UGT1A10: variants seen among roughly 807,000 people sequenced by gnomAD.
UGT1A10 encodes UDP-glucuronosyltransferase 1A10.
In UGT1A10, 49 loss-of-function variants were observed where a neutral mutation model predicts 45.8. The observed-to-expected ratio is 1.07, with a 90% CI of 0.85 to 1.36. UGT1A10 has a LOEUF of 1.36. Ranked by LOEUF, UGT1A10 falls within the 40% of genes most tolerant of loss-of-function variation. The pLI is 0.00. For synonymous variants in UGT1A10, 284 were observed against 249.7 expected (o/e 1.14, Z -1.29); for missense variants, 745 against 668.6 (o/e 1.11, Z -1.26).
chr2:233,713,431 A>G lies in UGT1A10; in HGVS notation c.856-53603A>G, dbSNP rs1575502820. The G allele has an allele frequency of 2.5e-6, 4 of 1,614,124 alleles. 1 individual carries two copies. Among genetic ancestry groups the G allele is most frequent in the Middle Eastern group, 3.3e-4 (2 of 6,062 alleles). ...AGGCACCTGCATGCTACTTCCTTTG[A>G]TGTGGTTCTAACAGACCCCTTTCAC... On this transcript the variant is annotated intron_variant, in intron 1 of 4. Transcript: ENST00000344644.
At position 233,718,196 on chromosome 2, in the gene UGT1A10, G is replaced by A. The variant is rs1258462384; in HGVS notation, c.856-48838G>A. On this transcript the variant is annotated intron_variant, in intron 1 of 4. Transcript: ENST00000344644. ...ACATCTTGAGCTCAGCCTCCCCGGA[G>A]CTTTTTTTTATATTGACAGCCACTT... 4.6e-5 allele frequency among the ~76,000 whole-genome samples: 7 copies of A among 152,156 alleles called. No individual in the cohort carries two copies. In the South Asian group the frequency reaches 1.5e-3, roughly 32 times the overall value.
intron 1 of UGT1A10, among the ~76,000 whole-genome samples, chr2:233,703,389 A>T (rs77142050): frequency 0.032 from 4,829 of 151,980 alleles, 259 homozygotes; most frequent in African/African-American, 0.11. Flanking sequence ...TATATTTTCA[A>T]ATAAACAATT....
At chr2:233,749,493 CT>C (rs951030576) in intron 1 of UGT1A10, among the ~76,000 whole-genome samples, 1 of 151,760 alleles carries the variant, frequency 6.6e-6, no homozygotes, top group Non-Finnish European at 1.5e-5. Context: ...TGCTATGCCC[CT>C]TAGAGAATTA....
At chr2:233,646,897 C>A (rs749320705) in intron 1 of UGT1A10, among the ~76,000 whole-genome samples, 6 of 152,124 alleles carry the variant, frequency 3.9e-5, no homozygotes, top group East Asian at 1.9e-4. Flanking sequence ...CTACTGGTAC[C>A]AATTGACTGT....
chr2:233,754,892 C>A, intron 1 of UGT1A10: 1 of 1,351,640 alleles, frequency 7.4e-7, no homozygotes, highest in Non-Finnish European at 9.9e-7. Flanking sequence ...GGGAGTTCCT[C>A]TGACCCCCCA....
intron 1 of UGT1A10, chr2:233,729,328 C>T (rs765145094): frequency 7.4e-6 from 12 of 1,614,122 alleles, no homozygotes; most frequent in South Asian, 2.2e-5. Context: ...GGTGAATATG[C>T]ACATCAAAGA....
At chr2:233,672,552 AGTACG>A (rs2074230618) in intron 1 of UGT1A10, 1 of 1,613,814 alleles carries the variant, frequency 6.2e-7, no homozygotes, top group African/African-American at 1.3e-5. Flanking sequence ...TCAAGGAGAG[AGTACG>A]GAACCACATC....
intron 1 of UGT1A10, among the ~76,000 whole-genome samples, chr2:233,700,404 A>G (rs1297317777): frequency 6.6e-6 from 1 of 152,178 alleles, no homozygotes; most frequent in Non-Finnish European, 1.5e-5. Context: ...TTTTGGCAGC[A>G]GTGTTTCTGT....
chr2:233,636,892 T>C lies in UGT1A10; in HGVS notation c.370T>C (p.Cys124Arg). Residue 124 changes from cysteine (C) to arginine (R), a missense_variant, in exon 1 of 5, where the codon TGC (cysteine) becomes CGC (arginine). Coordinates refer to ENST00000344644, the MANE Select transcript of UGT1A10 (RefSeq NM_019075.4). ...TTTTCTTGACTTATTTTTTTCGCAT[T>C]GCAGGAGTTTGTTTAATGACCGAAA... ...SGFLDLFFSHCRSLFNDRKLV... is the reference protein window; with the variant it reads ...SGFLDLFFSHRRSLFNDRKLV... The C allele has an allele frequency of 6.2e-7, 1 of 1,614,156 alleles. No homozygotes were observed. Among genetic ancestry groups the C allele is most frequent in the Non-Finnish European group, 8.5e-7 (1 of 1,180,026 alleles).
At chr2:233,683,557 T>C (rs1257532362) in intron 1 of UGT1A10, among the ~76,000 whole-genome samples, 4 of 152,214 alleles carry the variant, frequency 2.6e-5, no homozygotes, top group Non-Finnish European at 4.4e-5. Flanking sequence ...ATTGGCCTTC[T>C]TTTGCTATTA....
intron 1 of UGT1A10, among the ~76,000 whole-genome samples, chr2:233,710,615 T>C (rs2076139654): frequency 6.6e-6 from 1 of 152,224 alleles, no homozygotes; most frequent in Non-Finnish European, 1.5e-5. Flanking sequence ...TTTGTCTTCT[T>C]ATATTTGAGT....
Position 233,682,770 on chromosome 2 carries a change from A to T in UGT1A10, c.855+45393A>T, listed in dbSNP as rs532150245. 39 of 1,613,604 alleles carry T rather than the reference A, an allele frequency of 2.4e-5. 1 individual carries two copies. The South Asian group carries it at 4.0e-4, about 16-fold the overall frequency. The stretch of plus-strand genomic sequence containing the variant: ...ATCTTCATTGGTGGTATCAACTGTC[A>T]TCAGGGAAAGCCAGTGCCTATGGTA... On this transcript the variant is annotated intron_variant, in intron 1 of 4. Transcript: ENST00000344644.
chr2:233,751,938 T>C (rs1430674262), intron 1 of UGT1A10, among the ~76,000 whole-genome samples: 3 of 152,190 alleles, frequency 2.0e-5, no homozygotes, highest in South Asian at 2.1e-4. Flanking sequence ...ATTGAAGTTA[T>C]ACTGAAAGGG....
chr2:233,693,561 C>T lies in UGT1A10; in HGVS notation c.855+56184C>T, dbSNP rs751053554. 6.2e-7 allele frequency: 1 copy of T among 1,614,208 alleles called. No individual in the cohort carries two copies. Among genetic ancestry groups the T allele is most frequent in the Non-Finnish European group, 8.5e-7 (1 of 1,180,020 alleles). ...CTGGAGCATACATTCAGCAGAAGCC[C>T]AGACCCTGTGTCCTACATTCCCAGG... On this transcript the variant is annotated intron_variant, in intron 1 of 4. Transcript: ENST00000344644.
chr2:233,749,121 A>T (rs1694116059), intron 1 of UGT1A10, among the ~76,000 whole-genome samples: 1 of 151,732 alleles, frequency 6.6e-6, no homozygotes, highest in Non-Finnish European at 1.5e-5. Context: ...TTTATGTCAT[A>T]TTCACTGAAT....
intron 1 of UGT1A10, among the ~76,000 whole-genome samples, chr2:233,751,872 G>A (rs151015857): frequency 1.6e-4 from 24 of 152,228 alleles, no homozygotes; most frequent in African/African-American, 2.2e-4. Context: ...AAATTACCCC[G>A]TCTTGGGTAT....
At chr2:233,755,474 T>TCTGTGAGGCC (rs1294746621) in intron 1 of UGT1A10, 2 of 236,996 alleles carry the variant, frequency 8.4e-6, no homozygotes, top group African/African-American at 4.6e-5. Context: ...TCTGTGAGGC[T>TCTGTGAGGCC]CTGTGAGGCC....
intron 1 of UGT1A10, chr2:233,671,762 A>C: frequency 6.9e-6 from 9 of 1,305,564 alleles, no homozygotes; most frequent in Non-Finnish European, 8.0e-6. Context: ...AGCAAAAGCT[A>C]CTCATATATT....
chr2:233,699,808 C>A (rs2075525104), intron 1 of UGT1A10, among the ~76,000 whole-genome samples: 1 of 152,210 alleles, frequency 6.6e-6, no homozygotes, highest in Admixed American at 6.5e-5. Flanking sequence ...CTGGAGTCAT[C>A]TAAATAGTAG....
Sources: gnomAD v4.1 joint callset for allele counts (sites outside exome capture counted in the v4.1 genomes callset) on GRCh38, gnomAD v4.1.1 for gene constraint, MANE v1.5 for transcripts, NCBI Gene and HGNC (gene_info 2026-07-23, HGNC 2026-07-21) for gene names.